PLEKHH2: variants seen among roughly 807,000 people sequenced by gnomAD.
PLEKHH2 encodes the protein pleckstrin homology, MyTH4 and FERM domain containing H2.
PLEKHH2 carries 129 observed loss-of-function variants against 187.9 expected under a neutral mutation model. That is an observed-to-expected ratio of 0.69 (90% CI 0.59 to 0.79). The LOEUF is 0.79. Among genes scored for constraint, PLEKHH2 ranks in the 30% least tolerant of loss-of-function variants. The pLI, the probability that PLEKHH2 is intolerant of heterozygous loss-of-function variation, is 0.00. For synonymous variants in PLEKHH2, 686 were observed against 605.6 expected, an observed-to-expected ratio of 1.13 and a Z score of -1.95; for missense variants, 2,076 against 1,751.2, an observed-to-expected ratio of 1.19 and a Z score of -3.31.
rs899754279 is a variant in PLEKHH2, at chr2:43,652,193, T to C, written c.123+7397T>C. 2.6e-5 allele frequency among the ~76,000 whole-genome samples: 4 copies of C among 152,184 alleles called. 1 individual carries two copies. The highest frequency in any genetic ancestry group is 9.7e-5 in the African/African-American group (4 of 41,448). On this transcript the variant is annotated intron_variant, in intron 2 of 29. Transcript: ENST00000282406. ...TTTCAATTTTTTAGCAGGAAGTAAA[T>C]GCTTAGTTGCTAGACATTTGGCAGA...
intron 1 of PLEKHH2, among the ~76,000 whole-genome samples, 154 bp from the exon 2 acceptor site, chr2:43,644,517 G>A (rs557055910): frequency 6.6e-6 from 1 of 152,240 alleles, no homozygotes; most frequent in East Asian, 1.9e-4. Context: ...TCTGGAATTT[G>A]TCTTAGAATT....
chr2:43,686,668 C>G (rs1047796619), intron 3 of PLEKHH2, among the ~76,000 whole-genome samples: 3 of 152,178 alleles, frequency 2.0e-5, no homozygotes, highest in Admixed American at 6.5e-5. Flanking sequence ...AAGAATCCTA[C>G]TTTATAATCA....
rs374815272 is a variant in PLEKHH2 at position 43,758,940 on chromosome 2, C to A, written c.3982C>A (p.Arg1328=). 4 of 1,603,830 alleles carry A rather than the reference C, an allele frequency of 2.5e-6. No homozygotes were observed. Among genetic ancestry groups the A allele is most frequent in the Non-Finnish European group, 2.6e-6 (3 of 1,172,140 alleles). Residue 1328 remains arginine, a synonymous_variant, in exon 27 of 30, where the codon CGG becomes AGG. Coordinates refer to ENST00000282406, the MANE Select transcript of PLEKHH2 (RefSeq NM_172069.4). ...QRLSTRWMAL[R]GHSAADCVRI... is the part of the protein sequence containing the mutation. ...ACTTTCAACCAGATGGATGGCCCTC[C>A]GGGGACACAGTGCTGCTGACTGTGT...
rs563299038 is a variant in PLEKHH2, at chr2:43,674,233, A to G, written c.124-4630A>G. Among the ~76,000 whole-genome samples, 14 of 152,288 alleles carry G rather than the reference A, an allele frequency of 9.2e-5. No homozygotes were observed. In the South Asian group the frequency reaches 2.9e-3, roughly 32 times the overall value. On this transcript the variant is annotated intron_variant, in intron 2 of 29. Coordinates refer to ENST00000282406, the MANE Select transcript of PLEKHH2 (RefSeq NM_172069.4). ...ATATTTGCATAGTTCTCTTAAGAGA[A>G]CTATTTTTTTCACTAGCAAAATTTT...
intron 24 of PLEKHH2, among the ~76,000 whole-genome samples, chr2:43,752,592 C>T (rs1672051652): frequency 6.6e-6 from 1 of 152,200 alleles, no homozygotes; most frequent in Non-Finnish European, 1.5e-5. Flanking sequence ...TATAGCCAAA[C>T]TGAGCACACA....
chr2:43,743,694 C>A, intron 22 of PLEKHH2, 140 bp from the exon 23 acceptor site: 1 of 813,942 alleles, frequency 1.2e-6, no homozygotes, highest in Non-Finnish European at 1.7e-6. Context: ...TCCAGAGGAG[C>A]TTTGGGAAAA....
At chr2:43,727,281 G>A (rs1025761555) in intron 17 of PLEKHH2, among the ~76,000 whole-genome samples, 5 of 151,988 alleles carry the variant, frequency 3.3e-5, no homozygotes, top group East Asian at 1.9e-4. Context: ...GCGAGGTGGC[G>A]TGTGCCTGTA....
chr2:43,666,339 C>T (rs966595988), intron 2 of PLEKHH2, among the ~76,000 whole-genome samples: 2 of 151,326 alleles, frequency 1.3e-5, no homozygotes, highest in African/African-American at 2.5e-5. Flanking sequence ...GGCTCGCGCA[C>T]GGTGCGCACA....
chr2:43,678,055 T>A (rs909265812), intron 2 of PLEKHH2, among the ~76,000 whole-genome samples: 2 of 142,108 alleles, frequency 1.4e-5, no homozygotes, highest in African/African-American at 5.4e-5. Flanking sequence ...GCAGAGACGC[T>A]CCTCACCTCC....
At chr2:43,681,209 G>C in intron 3 of PLEKHH2, 1 of 663,760 alleles carries the variant, frequency 1.5e-6, no homozygotes, top group East Asian at 2.5e-5. Context: ...ACAGAAAGCT[G>C]TTTCTCCATG....
intron 8 of PLEKHH2, among the ~76,000 whole-genome samples, chr2:43,702,527 CTTTTTTT>C (rs1167078689): frequency 3.5e-5 from 2 of 57,400 alleles, no homozygotes; most frequent in Non-Finnish European, 3.0e-5. Context: ...CATTCTACTA[CTTTTTTT>C]TTTTTTTTTT....
intron 2 of PLEKHH2, among the ~76,000 whole-genome samples, chr2:43,650,324 G>A (rs1397107968): frequency 6.6e-6 from 1 of 151,234 alleles, no homozygotes; most frequent in African/African-American, 2.4e-5. Flanking sequence ...GTAGAGATGG[G>A]GTTTCACCAT....
At chr2:43,731,412 G>A (rs996995840) in intron 18 of PLEKHH2, 78 bp from the exon 19 acceptor site, 1 of 970,930 alleles carries the variant, frequency 1.0e-6, no homozygotes, top group South Asian at 1.5e-5. Context: ...ATGAGCTAAT[G>A]TCTAAAGGAT....
chr2:43,693,216 T>C (rs1253794144), intron 4 of PLEKHH2, among the ~76,000 whole-genome samples: 1 of 152,178 alleles, frequency 6.6e-6, no homozygotes, highest in Non-Finnish European at 1.5e-5. Flanking sequence ...TGAGCCACCA[T>C]GCCCAGCCAG....
At chr2:43,750,211 G>A (rs1344130882) in intron 24 of PLEKHH2, among the ~76,000 whole-genome samples, 5 of 152,156 alleles carry the variant, frequency 3.3e-5, no homozygotes, top group South Asian at 2.1e-4. Context: ...CGTGGCTCAC[G>A]CCTGTAATCC....
intron 6 of PLEKHH2, 42 bp downstream of exon 6, chr2:43,695,266 A>T: frequency 8.5e-7 from 1 of 1,182,932 alleles, no homozygotes; most frequent in Non-Finnish European, 1.2e-6. Context: ...GATTTATTTG[A>T]CTATATAGGC....
intron 16 of PLEKHH2, 149 bp downstream of exon 16, chr2:43,720,898 A>T (rs1438451358): frequency 1.6e-6 from 2 of 1,254,940 alleles, no homozygotes; most frequent in Admixed American, 3.1e-5. Flanking sequence ...TGAGAAAATC[A>T]CACAAAGGTC....
chr2:43,686,907 T>C (rs1410972812), intron 3 of PLEKHH2, among the ~76,000 whole-genome samples: 1 of 152,162 alleles, frequency 6.6e-6, no homozygotes. Flanking sequence ...TAGCATGACA[T>C]GCAAAGATCC....
chr2:43,649,442 T>C (rs1369190059), intron 2 of PLEKHH2, among the ~76,000 whole-genome samples: 2 of 152,260 alleles, frequency 1.3e-5, no homozygotes, highest in Admixed American at 1.3e-4. Context: ...TGATGTGGCA[T>C]TGCCATCTGG....
Sources: allele counts gnomAD v4.1 joint callset (sites outside exome capture counted in the v4.1 genomes callset), GRCh38; gene constraint gnomAD v4.1.1; transcripts MANE v1.5; gene names NCBI Gene and HGNC (gene_info 2026-07-23, HGNC 2026-07-21).